SORCS2: variants seen among roughly 807,000 people sequenced by gnomAD.
SORCS2 encodes the protein sortilin related VPS10 domain containing receptor 2.
A neutral mutation model predicts 141.6 loss-of-function variants in SORCS2; 100 were observed. The observed-to-expected ratio is 0.71, with a 90% confidence interval of 0.60 to 0.83. The LOEUF (loss-of-function observed/expected upper bound fraction) is 0.83, where lower values mean the gene tolerates loss of function less well. Among genes scored for constraint, SORCS2 ranks in the 40% least tolerant of loss-of-function variants. The pLI is 0.00. For synonymous variants in SORCS2, 789 were observed against 676.9 expected (o/e 1.17, Z -2.57); for missense variants, 1,646 against 1,560.2 (o/e 1.05, Z -0.93).
chr4:7,599,173 C>A (rs1208763600), intron 3 of SORCS2, among the ~76,000 whole-genome samples: 1 of 123,296 alleles, frequency 8.1e-6, no homozygotes, highest in Non-Finnish European at 1.8e-5. Flanking sequence ...GGCCCCAGCT[C>A]ACCCGAGATC....
intron 2 of SORCS2, among the ~76,000 whole-genome samples, chr4:7,458,713 C>A (rs2109316577): frequency 6.6e-6 from 1 of 152,250 alleles, no homozygotes; most frequent in East Asian, 1.9e-4. Context: ...GAGACAAGGT[C>A]CCAGCCAGGA....
At chr4:7,494,456 G>A (rs1731492407) in intron 2 of SORCS2, among the ~76,000 whole-genome samples, 1 of 152,180 alleles carries the variant, frequency 6.6e-6, no homozygotes, top group South Asian at 2.1e-4. Context: ...GTCAGGTTCT[G>A]GTGTGGGCCT....
At position 7,192,896 on chromosome 4, in the gene SORCS2, C is replaced by T; in HGVS notation, c.250C>T (p.Arg84Trp). 2 of 1,148,956 alleles carry T rather than the reference C, an allele frequency of 1.7e-6. No homozygotes were observed. Among genetic ancestry groups the T allele is most frequent in the African/African-American group, 1.6e-5 (1 of 61,138 alleles). The allele number at this position is 1,148,956 out of a possible 1,614,324, so 71.2% of individuals were successfully genotyped here. ...CGCGGAGCCCGGTGGCGGCGAGGAC[C>T]GGCAGGCGCGCGGCACGGAGCCAGG... ...GRAEPGGGEDRQARGTEPGAP... is the reference protein window; with the variant it reads ...GRAEPGGGEDWQARGTEPGAP... Residue 84 changes from arginine (R) to tryptophan (W), a missense_variant, in exon 1 of 27, where the codon CGG becomes TGG. Coordinates refer to ENST00000507866, the MANE Select transcript of SORCS2 (RefSeq NM_020777.3). The surrounding 1 kb of genome is among the most constrained non-coding windows in gnomAD (Gnocchi z 4.0).
intron 2 of SORCS2, among the ~76,000 whole-genome samples, chr4:7,508,463 G>A (rs1709073827): frequency 6.8e-6 from 1 of 147,804 alleles, no homozygotes; most frequent in Non-Finnish European, 1.5e-5. Flanking sequence ...TGATTCTCCT[G>A]ACTCAGTTTC....
At chr4:7,435,108 T>G in intron 2 of SORCS2, 1 of 554,110 alleles carries the variant, frequency 1.8e-6, no homozygotes. Context: ...GATAAACTCT[T>G]AGCAGTTTTC....
At chr4:7,669,087 A>T (rs1722657512) in intron 8 of SORCS2, among the ~76,000 whole-genome samples, 1 of 152,238 alleles carries the variant, frequency 6.6e-6, no homozygotes, top group Non-Finnish European at 1.5e-5. Flanking sequence ...AGGAAGCACC[A>T]GGTCATGTCT....
intron 1 of SORCS2, among the ~76,000 whole-genome samples, chr4:7,215,985 A>C (rs58671242): frequency 2.6e-5 from 4 of 151,200 alleles, no homozygotes; most frequent in African/African-American, 9.7e-5. Context: ...GTCCCCTTCC[A>C]CACTGTGGAA....
At chr4:7,319,819 A>G (rs1047342003) in intron 1 of SORCS2, among the ~76,000 whole-genome samples, 3 of 152,262 alleles carry the variant, frequency 2.0e-5, no homozygotes, top group African/African-American at 7.2e-5. Context: ...ACATGTTAGC[A>G]GTTGGCTTTT....
At chr4:7,599,933 C>T (rs969744031) in intron 3 of SORCS2, among the ~76,000 whole-genome samples, 1 of 151,792 alleles carries the variant, frequency 6.6e-6, no homozygotes, top group Non-Finnish European at 1.5e-5. Flanking sequence ...AAGCAATTCT[C>T]ACGCCTCAGC....
intron 3 of SORCS2, among the ~76,000 whole-genome samples, chr4:7,568,544 T>G (rs1440057711): frequency 6.6e-6 from 1 of 152,214 alleles, no homozygotes; most frequent in Non-Finnish European, 1.5e-5. Context: ...TTGATTTTCC[T>G]TTTTATCACA....
At chr4:7,351,758 A>T (rs1404518419) in intron 1 of SORCS2, among the ~76,000 whole-genome samples, 1 of 151,094 alleles carries the variant, frequency 6.6e-6, no homozygotes, top group African/African-American at 2.4e-5. Context: ...TCCCCAATCC[A>T]TGCACTCATC....
chr4:7,725,236 C>T lies in SORCS2; in HGVS notation c.2694C>T (p.Pro898=). ...TGAACCTCACAGCTGTGCTGCTTCC[C>T]TTGAACCCTAACCTCACCGTCTTCT... ...QEVNLTAVLL[P]LNPNLTVFYW... Residue 898 remains proline (P), a synonymous_variant, in exon 20 of 27, where the codon CCC becomes CCT. Transcript: ENST00000507866. The T allele has an allele frequency of 6.2e-7, 1 of 1,613,632 alleles. No individual in the cohort carries two copies. The highest frequency in any genetic ancestry group is 8.5e-7 in the Non-Finnish European group (1 of 1,179,662).
intron 1 of SORCS2, among the ~76,000 whole-genome samples, chr4:7,228,082 G>A (rs1329795185): frequency 1.3e-5 from 2 of 152,186 alleles, no homozygotes; most frequent in African/African-American, 2.4e-5. Context: ...GGCTTCCACA[G>A]CAGAGGCTGA....
chr4:7,214,535 C>T (rs990692252), intron 1 of SORCS2, among the ~76,000 whole-genome samples: 1 of 152,214 alleles, frequency 6.6e-6, no homozygotes, highest in African/African-American at 2.4e-5. Flanking sequence ...AGAGGCTGGG[C>T]AGATTCATTC....
At chr4:7,569,287 C>A (rs1352274261) in intron 3 of SORCS2, among the ~76,000 whole-genome samples, 1 of 152,100 alleles carries the variant, frequency 6.6e-6, no homozygotes, top group East Asian at 1.9e-4. Flanking sequence ...CTGAGGTGGG[C>A]AGATCACAAG....
At chr4:7,688,499 C>T (rs1724012095) in intron 10 of SORCS2, among the ~76,000 whole-genome samples, 1 of 152,174 alleles carries the variant, frequency 6.6e-6, no homozygotes, top group Non-Finnish European at 1.5e-5. Context: ...AAGGGCTGGA[C>T]CCCAGAGCTG....
chr4:7,251,888 G>A (rs1455609822), intron 1 of SORCS2, among the ~76,000 whole-genome samples: 1 of 152,136 alleles, frequency 6.6e-6, no homozygotes, highest in East Asian at 1.9e-4. Context: ...ACAGAATTGG[G>A]TTTGGGTGGC....
At chr4:7,682,980 G>A (rs1366690867) in intron 10 of SORCS2, 91 bp downstream of exon 10, 1 of 1,461,112 alleles carries the variant, frequency 6.8e-7, no homozygotes, top group Non-Finnish European at 9.2e-7. Flanking sequence ...GGTGATGTCT[G>A]AGAAGGACCA....
intron 10 of SORCS2, 55 bp from the exon 11 acceptor site, chr4:7,689,431 C>A: frequency 6.6e-7 from 1 of 1,518,174 alleles, no homozygotes; most frequent in Non-Finnish European, 8.9e-7. Context: ...GCTTAGTTTT[C>A]CTAAGGATGC....
Sources: gnomAD v4.1 joint callset for allele counts (sites outside exome capture counted in the v4.1 genomes callset) on GRCh38, gnomAD v4.1.1 for gene constraint, Gnocchi (gnomAD v3.1) non-coding constraint, MANE v1.5 for transcripts, NCBI Gene and HGNC (gene_info 2026-07-23, HGNC 2026-07-21) for gene names.